MZT2A: variants seen among roughly 807,000 people sequenced by gnomAD.
MZT2A encodes the protein mitotic-spindle organizing protein 2A.
Under a neutral mutation model 12.4 loss-of-function variants are expected in MZT2A, and 8 were observed. The ratio of observed to expected loss-of-function variants is 0.64; its 90% CI spans 0.38 to 1.16. The LOEUF (loss-of-function observed/expected upper bound fraction) is 1.16, where lower values mean the gene tolerates loss of function less well. Among genes scored for constraint, MZT2A ranks in the 50% most tolerant of loss-of-function variants. The probability of loss-of-function intolerance (pLI) is 0.01; values close to 1 mark genes in which losing one functional copy is unlikely to be tolerated. For missense variants in MZT2A, 181 were observed against 223.6 expected, an observed-to-expected ratio of 0.81 and a Z score of 1.22; for synonymous variants, 88 against 107.5, an observed-to-expected ratio of 0.82 and a Z score of 1.12.
At chr2:131,476,161 G>A (rs1306276362) in intron 2 of MZT2A, 1 of 1,613,722 alleles carries the variant, frequency 6.2e-7, no homozygotes, top group East Asian at 2.2e-5. Context: ...GCCGGTTGAG[G>A]TCTGGCAGTA....
upstream of MZT2A, chr2:131,493,234 C>T: frequency 1.5e-6 from 2 of 1,363,466 alleles, no homozygotes; most frequent in East Asian, 2.9e-5. Flanking sequence ...CCGCGAGCCC[C>T]AGGACTCGGG....
intron 2 of MZT2A, 88 bp downstream of exon 2, chr2:131,491,788 C>G: frequency 1.4e-6 from 2 of 1,425,064 alleles, no homozygotes; most frequent in Non-Finnish European, 1.9e-6. Flanking sequence ...CCTGGCCACT[C>G]AGGGCCACGC....
In MZT2A at chr2:131,478,650, C is replaced by T. The variant is rs899242436; in HGVS notation, c.279-6468G>A. 9 of 645,204 alleles carry T rather than the reference C, an allele frequency of 1.4e-5. No homozygotes were observed. In the African/African-American group the frequency reaches 1.6e-4, roughly 12 times the overall value. 40.0% of individuals were successfully genotyped at this position (645,204 alleles called of 1,614,324 possible). ...TGTGAAGAGATTCCCTCGTGCGTGC[C>T]TCAGCCCTGCTCAGGTGGCCCTGCC... On this transcript the variant is annotated intron_variant and NMD_transcript_variant, in intron 2 of 4. Transcript: ENST00000427024.
chr2:131,472,257 C>A lies in MZT2A; in HGVS notation c.279-75G>T, dbSNP rs1705003829. The A allele has an allele frequency of 9.2e-6, 11 of 1,193,534 alleles. No homozygotes were observed. The South Asian group carries it at 1.5e-4, about 16-fold the overall frequency. The allele number at this position is 1,193,534 out of a possible 1,614,324, so 73.9% of individuals were successfully genotyped here. On this transcript the variant is annotated intron_variant and NMD_transcript_variant, in intron 2 of 4. Transcript: ENST00000427024. Reference sequence around the variant, plus strand: ...AGCAACTATATGTAAATGTTGTTAGCTGACTTATTGAAATGATTTAATAAT... The same window carrying A: ...AGCAACTATATGTAAATGTTGTTAGATGACTTATTGAAATGATTTAATAAT...
chr2:131,493,151 C>T (rs374250542), upstream of MZT2A: 2,580 of 1,440,312 alleles, frequency 1.8e-3, 37 homozygotes, highest in African/African-American at 0.032. Flanking sequence ...GTGAGTGGCG[C>T]GGGACGCGCG....
chr2:131,480,843 C>T, downstream of MZT2A: 1 of 1,518,936 alleles, frequency 6.6e-7, no homozygotes, highest in South Asian at 1.3e-5. Context: ...GAGATTATCC[C>T]TGTTCCATGG....
chr2:131,472,207 A>G (rs2105263458), intron 2 of MZT2A: 1 of 1,279,494 alleles, frequency 7.8e-7, no homozygotes, highest in East Asian at 5.7e-5. Flanking sequence ...GCAAAAGAGG[A>G]AATAATTTGT....
At chr2:131,489,000 C>A (rs1336416119) in intron 2 of MZT2A, among the ~76,000 whole-genome samples, 1 of 151,168 alleles carries the variant, frequency 6.6e-6, no homozygotes, top group African/African-American at 2.4e-5. Flanking sequence ...TGACTGTGCC[C>A]CCCCACCTGC....
chr2:131,479,365 G>C (rs776546412), downstream of MZT2A: 1 of 1,614,138 alleles, frequency 6.2e-7, no homozygotes, highest in East Asian at 2.2e-5. Flanking sequence ...CTGATCACCG[G>C]GAAGGAAGAT....
At chr2:131,480,690 G>A (rs773618008), downstream of MZT2A, 10 of 1,613,474 alleles carry the variant, frequency 6.2e-6, no homozygotes, top group East Asian at 2.2e-5. Flanking sequence ...CGCGGCCATC[G>A]CCACCATCAA....
downstream of MZT2A, chr2:131,482,719 C>T (rs201823217): frequency 1.2e-4 from 186 of 1,613,968 alleles, no homozygotes; most frequent in African/African-American, 1.5e-3. Flanking sequence ...TGCACTGGTA[C>T]GTGGGCGAAG....
At chr2:131,471,805 A>G (rs577931310) in intron 3 of MZT2A, among the ~76,000 whole-genome samples, 1 of 152,156 alleles carries the variant, frequency 6.6e-6, no homozygotes, top group East Asian at 1.9e-4. Context: ...GCAGATGATG[A>G]CTGTGAAGTG....
At chr2:131,478,277 T>C (rs768909086) in intron 2 of MZT2A, 3 of 1,614,052 alleles carry the variant, frequency 1.9e-6, no homozygotes, top group South Asian at 2.2e-5. Context: ...TGCCAAGTGA[T>C]AAAACCATTG....
chr2:131,488,906 C>T (rs1679167979), intron 2 of MZT2A, among the ~76,000 whole-genome samples: 1 of 149,134 alleles, frequency 6.7e-6, no homozygotes, highest in Non-Finnish European at 1.5e-5. Flanking sequence ...TCTCTTGGAG[C>T]CCCCATTCGC....
At chr2:131,490,895 G>C (rs1679267964) in intron 2 of MZT2A, 3 of 1,549,948 alleles carry the variant, frequency 1.9e-6, no homozygotes, top group Admixed American at 2.0e-5. Context: ...GGAGGCCTCT[G>C]GAGGTCAGAG....
intron 1 of MZT2A, 90 bp from the exon 2 acceptor site, chr2:131,492,114 CG>C: frequency 6.4e-7 from 1 of 1,552,662 alleles, no homozygotes; most frequent in African/African-American, 1.4e-5. Context: ...GCGGGGGCAG[CG>C]GGGGCTCCTC....
intron 2 of MZT2A, chr2:131,478,813 A>C (rs1456357598): frequency 1.8e-5 from 4 of 219,640 alleles, no homozygotes; most frequent in African/African-American, 9.1e-5. Context: ...TCGCAGCCTG[A>C]TGTAGTTTCC....
intron 2 of MZT2A, among the ~76,000 whole-genome samples, chr2:131,477,341 G>A (rs1331309250): frequency 6.6e-6 from 1 of 152,130 alleles, no homozygotes; most frequent in Non-Finnish European, 1.5e-5. Flanking sequence ...AGCTTGGCAG[G>A]GTTTAAAGAA....
downstream of MZT2A, among the ~76,000 whole-genome samples, chr2:131,483,737 C>A (rs12475060): frequency 0.33 from 40,034 of 120,554 alleles, 6,576 homozygotes; most frequent in East Asian, 0.76. Context: ...AACAAACAAA[C>A]AAAAAACCTC....
Sources: allele counts gnomAD v4.1 joint callset (sites outside exome capture counted in the v4.1 genomes callset), GRCh38; gene constraint gnomAD v4.1.1; transcripts MANE v1.5; gene names NCBI Gene and HGNC (gene_info 2026-07-23, HGNC 2026-07-21).